Variants in DMD observed in about 807,000 individuals in gnomAD.
DMD encodes the protein mutant dystrophin.
Under a neutral mutation model 330.1 loss-of-function variants are expected in DMD, and 63 were observed. The observed-to-expected ratio is 0.19, with a 90% CI of 0.16 to 0.24. The LOEUF (loss-of-function observed/expected upper bound fraction) is 0.24, where lower values mean the gene tolerates loss of function less well. Among genes scored for constraint, DMD ranks in the 10% least tolerant of loss-of-function variants. The pLI is 1.00. For synonymous variants in DMD, 1,223 were observed against 959.8 expected, an observed-to-expected ratio of 1.27 and a Z score of -5.07; for missense variants, 3,344 against 2,684.1, an observed-to-expected ratio of 1.25 and a Z score of -5.43.
At chrX:32,168,167 C>T (rs768758746) in intron 44 of DMD, among the ~76,000 whole-genome samples, 3 of 111,588 alleles carry the variant, frequency 2.7e-5, no homozygotes, top group African/African-American at 9.8e-5. Context: ...CTTGGTTTGT[C>T]CTGGATTAAT....
chrX:31,508,288 T>C (rs2071155572), intron 55 of DMD: 1 of 1,186,946 alleles, frequency 8.4e-7, no homozygotes, highest in African/African-American at 1.8e-5. Context: ...ATAGCAATCC[T>C]GAGAAAACCC....
chrX:32,352,619 A>C (rs2097785716), intron 37 of DMD, among the ~76,000 whole-genome samples: 3 of 111,134 alleles, frequency 2.7e-5, no homozygotes, highest in African/African-American at 9.7e-5. Context: ...CATTATACTC[A>C]TAACATTGTA....
chrX:32,632,942 T>A (rs1173188628), intron 11 of DMD, among the ~76,000 whole-genome samples: 2 of 112,506 alleles, frequency 1.8e-5, no homozygotes, highest in Non-Finnish European at 3.8e-5. Flanking sequence ...TATACAAATT[T>A]TTCTAGCAAG....
At chrX:32,156,664 A>ACACG (rs1557181287) in intron 44 of DMD, among the ~76,000 whole-genome samples, 4 of 106,771 alleles carry the variant, frequency 3.7e-5, no homozygotes, top group Middle Eastern at 4.8e-3. Flanking sequence ...ACACACACAC[A>ACACG]CACGCACGCA....
chrX:31,478,413 T>C, intron 58 of DMD, 39 bp from the exon 59 acceptor site: 3 of 1,207,358 alleles, frequency 2.5e-6, no homozygotes, highest in Non-Finnish European at 3.4e-6. Flanking sequence ...GCCACATTCT[T>C]TTTTTTTAAA....
chrX:32,724,363 T>G (rs1430769591), intron 7 of DMD, among the ~76,000 whole-genome samples: 1 of 111,872 alleles, frequency 8.9e-6, no homozygotes, highest in African/African-American at 3.2e-5. Flanking sequence ...TTCATAAAGT[T>G]GATTTATGAG....
intron 44 of DMD, among the ~76,000 whole-genome samples, chrX:32,211,876 T>C (rs148383965): frequency 0.094 from 10,552 of 111,932 alleles, 507 homozygotes; most frequent in Admixed American, 0.15. Context: ...ATGGTAATTG[T>C]TATTGTTTCT....
At chrX:33,060,724 C>G (rs1772065211) in intron 1 of DMD, among the ~76,000 whole-genome samples, 1 of 108,927 alleles carries the variant, frequency 9.2e-6, no homozygotes, top group African/African-American at 3.4e-5. Flanking sequence ...GTAATCCCAG[C>G]TAACCGGGAG....
At chrX:32,583,844 C>A in intron 13 of DMD, 2 of 114,008 alleles carry the variant, frequency 1.8e-5, no homozygotes, top group Middle Eastern at 2.9e-3. Flanking sequence ...AAAGGTAAAA[C>A]AAACAGTTCC....
In DMD at chrX:32,346,188, A is replaced by T. The variant is rs913125378; in HGVS notation, c.5449-108T>A. ...TTAAACACACACAAAAATCCAATTT[A>T]AAACTTTCATGGAATGCTATTATAA... On this transcript the variant is annotated intron_variant, in intron 38 of 78. Transcript: ENST00000357033. 3.4e-6 allele frequency: 3 copies of T among 879,333 alleles called. No individual in the cohort carries two copies. The African/African-American group carries it at 6.0e-5, about 17-fold the overall frequency. 72.5% of individuals were successfully genotyped at this position (879,333 alleles called of 1,213,427 possible). A position where few individuals can be genotyped will look rare whatever the true frequency, so the allele number is the denominator to read the frequency against.
chrX:32,454,572 A>C (rs2098347654), intron 26 of DMD, 90 bp downstream of exon 26: 1 of 730,273 alleles, frequency 1.4e-6, no homozygotes, highest in Admixed American at 3.1e-5. Context: ...AGGAAAGAGC[A>C]GACTGTATAC....
intron 67 of DMD, among the ~76,000 whole-genome samples, chrX:31,201,733 C>T (rs2043493601): frequency 9.0e-6 from 1 of 111,690 alleles, no homozygotes; most frequent in South Asian, 3.8e-4. Context: ...AGTACTCGGG[C>T]GAGAAAACAA....
At chrX:31,882,170 G>A (rs1279932679) in intron 47 of DMD, among the ~76,000 whole-genome samples, 3 of 112,116 alleles carry the variant, frequency 2.7e-5, no homozygotes, top group Non-Finnish European at 5.6e-5. Flanking sequence ...GAAGAACGAC[G>A]AAGTTTAAGA....
chrX:32,491,225 C>T (rs1181526644), intron 20 of DMD, 52 bp downstream of exon 20: 1 of 1,194,252 alleles, frequency 8.4e-7, no homozygotes. Context: ...TTGGAAATTG[C>T]CAAGAAATAC....
chrX:32,349,615 G>A (rs756573573), intron 37 of DMD, among the ~76,000 whole-genome samples: 4 of 111,257 alleles, frequency 3.6e-5, no homozygotes, highest in Admixed American at 9.5e-5. Context: ...TGAACAATAC[G>A]GATAAGTGTA....
intron 13 of DMD, among the ~76,000 whole-genome samples, chrX:32,590,463 G>T (rs764671668): frequency 8.9e-6 from 1 of 111,841 alleles, no homozygotes; most frequent in Admixed American, 9.4e-5. Context: ...AGCCAAAGAA[G>T]GCTGACATGT....
rs762860653 is a variant in DMD at position 32,501,767 on chromosome X, G to C, written c.2368C>G (p.Gln790Glu). 7 of 1,206,783 alleles carry C rather than the reference G, an allele frequency of 5.8e-6. No homozygotes were observed. In the Admixed American group the frequency reaches 1.5e-4, roughly 26 times the overall value. Residue 790 changes from glutamine (Q) to glutamate (E), a missense_variant, in exon 19 of 79, where the codon CAG becomes GAG. Physicochemically the swap from Gln to Glu is conservative, Grantham distance 29. Transcript: ENST00000357033. ...CTCGTGTAATTACCATTCACCATCT[G>C]TTCCACCAGGGCCTGAGCTGATCTG... ...ASRSAQALVE[Q>E]MVNEGVNADS... is the part of the protein sequence containing the mutation.
At chrX:31,508,779 G>GC (rs1556670678) in intron 55 of DMD, among the ~76,000 whole-genome samples, 3 of 108,076 alleles carry the variant, frequency 2.8e-5, no homozygotes, top group Non-Finnish European at 5.8e-5. Context: ...AACTAGAAAA[G>GC]TTTTTTTTTT....
Position 31,330,761 on chromosome X carries a change from A to T in DMD, c.9164-7103T>A, listed in dbSNP as rs141863205. Among the ~76,000 whole-genome samples the T allele has an allele frequency of 2.2e-3, 243 of 112,091 alleles. 1 individual carries two copies. Among genetic ancestry groups the T allele is most frequent in the African/African-American group, 7.2e-3 (223 of 30,878 alleles). Reference sequence around the variant, plus strand: ...AGCTTTCATGTAGTTATTAGTGTTGAATATATATGTATATATGTGTAATTT... The same window carrying T: ...AGCTTTCATGTAGTTATTAGTGTTGTATATATATGTATATATGTGTAATTT... On this transcript the variant is annotated intron_variant, in intron 61 of 78. Transcript: ENST00000357033.
Sources: allele counts gnomAD v4.1 joint callset (sites outside exome capture counted in the v4.1 genomes callset), GRCh38; gene constraint gnomAD v4.1.1; transcripts MANE v1.5; gene names NCBI Gene and HGNC (gene_info 2026-07-23, HGNC 2026-07-21).